Variants in COA1 observed in about 807,000 individuals in gnomAD.
The protein encoded by COA1 is cytochrome c oxidase assembly factor 1 homolog.
COA1 carries 13 observed loss-of-function variants against 16.0 expected under a neutral mutation model. That is an observed-to-expected ratio of 0.81 (90% CI 0.53 to 1.29). COA1 has a LOEUF of 1.29. Ranked by LOEUF, COA1 falls within the 50% of genes most tolerant of loss-of-function variation. The pLI is 0.00. For synonymous variants in COA1, 65 were observed against 65.7 expected (o/e 0.99, Z 0.05); for missense variants, 179 against 177.0 (o/e 1.01, Z -0.06).
In COA1 at chr7:43,640,695, A is replaced by G. The variant is rs950755729; in HGVS notation, c.265-46T>C. The G allele has an allele frequency of 5.9e-6, 8 of 1,354,424 alleles. No homozygotes were observed. The East Asian group carries it at 1.9e-4, about 32-fold the overall frequency. The allele number at this position is 1,354,424 out of a possible 1,614,324, so 83.9% of individuals were successfully genotyped here. A position where few individuals can be genotyped will look rare whatever the true frequency, so the allele number is the denominator to read the frequency against. ...AAAGGAGAGATGTAATTGGATAATT[A>G]TTGTCATTTCAGAAGATGACAAAAT... On this transcript the variant is annotated intron_variant, in intron 4 of 5. Transcript: ENST00000223336.
At chr7:43,651,060 C>T (rs900660835) in intron 1 of COA1, among the ~76,000 whole-genome samples, 1 of 152,016 alleles carries the variant, frequency 6.6e-6, no homozygotes, top group African/African-American at 2.4e-5. Context: ...TTAGGTAGCC[C>T]CCGACCTCAC....
chr7:43,691,437 G>GAAAGA (rs2094356318), intron 1 of COA1, among the ~76,000 whole-genome samples: 1 of 110,816 alleles, frequency 9.0e-6, no homozygotes, highest in Admixed American at 8.5e-5. Flanking sequence ...AAGAAAGAAA[G>GAAAGA]AAAGAAAGAA....
At chr7:43,652,955 A>G (rs2091096560) in intron 1 of COA1, among the ~76,000 whole-genome samples, 1 of 152,202 alleles carries the variant, frequency 6.6e-6, no homozygotes, top group Admixed American at 6.5e-5. Flanking sequence ...GTAAGGCAAT[A>G]TAAATTAAAA....
At chr7:43,693,774 G>T (rs2094446781) in intron 1 of COA1, among the ~76,000 whole-genome samples, 1 of 151,912 alleles carries the variant, frequency 6.6e-6, no homozygotes, top group South Asian at 2.1e-4. Flanking sequence ...CCCCAATCCT[G>T]GATAAATCCT....
chr7:43,708,052 A>G (rs1298349987), intron 1 of COA1, among the ~76,000 whole-genome samples: 1 of 152,196 alleles, frequency 6.6e-6, no homozygotes, highest in Non-Finnish European at 1.5e-5. Flanking sequence ...AAAAATACAA[A>G]AATTAGCCAG....
At chr7:43,641,222 A>G (rs2086971865) in intron 4 of COA1, among the ~76,000 whole-genome samples, 1 of 151,928 alleles carries the variant, frequency 6.6e-6, no homozygotes, top group African/African-American at 2.4e-5. Context: ...CTACATCTAG[A>G]TAACGGCTTG....
Position 43,729,496 on chromosome 7 carries a change from G to C in COA1, c.-106C>G, listed in dbSNP as rs2095698955. 6.6e-6 allele frequency: 1 copy of C among 152,320 alleles called. No individual in the cohort carries two copies. The highest frequency in any genetic ancestry group is 2.4e-5 in the African/African-American group (1 of 41,468). 9.4% of individuals were successfully genotyped at this position (152,320 alleles called of 1,614,324 possible). ...TTCTTCCAGGCTTGGGAAAGCACGG[G>C]TAAATGCCCGCGGTCCTGCGCGCCA... On this transcript the variant is annotated 5_prime_UTR_variant, in exon 1 of 6. Transcript: ENST00000223336.
At position 43,640,657 on chromosome 7, in the gene COA1, T is replaced by A. The variant is rs775504982; in HGVS notation, c.265-8A>T. ...AGAGACAGGAATCTTCAACTGTGGG[T>A]GTAAAATGACAGAAAGGAGAGATGT... On this transcript the variant is annotated splice_polypyrimidine_tract_variant and splice_region_variant and intron_variant, in intron 4 of 5. Coordinates refer to ENST00000223336, the MANE Select transcript of COA1 (RefSeq NM_018224.4). The A allele has an allele frequency of 7.0e-6, 11 of 1,580,872 alleles. No homozygotes were observed. The South Asian group carries it at 1.3e-4, about 18-fold the overall frequency.
chr7:43,658,778 CAT>C (rs767511923), intron 1 of COA1: 1 of 152,256 alleles, frequency 6.6e-6, no homozygotes, highest in African/African-American at 2.4e-5. Context: ...GCCAAGGTGA[CAT>C]GTGAGACTGG....
At chr7:43,646,760 T>A (rs2089428566) in intron 3 of COA1, 1 of 374,104 alleles carries the variant, frequency 2.7e-6, no homozygotes, top group East Asian at 7.4e-5. Context: ...CTCCACCAAC[T>A]CTGCAGGATG....
At chr7:43,705,668 G>A (rs1156675794) in intron 1 of COA1, among the ~76,000 whole-genome samples, 1 of 152,184 alleles carries the variant, frequency 6.6e-6, no homozygotes, top group Non-Finnish European at 1.5e-5. Flanking sequence ...CCACAGCCAT[G>A]CTCCACTGCA....
chr7:43,667,033 G>A (rs1479792604), intron 1 of COA1, among the ~76,000 whole-genome samples: 2 of 152,140 alleles, frequency 1.3e-5, no homozygotes, highest in East Asian at 1.9e-4. Flanking sequence ...ATGATTAGAA[G>A]CAATGATCTA....
intron 1 of COA1, among the ~76,000 whole-genome samples, chr7:43,691,279 A>G (rs1218534335): frequency 2.6e-5 from 1 of 38,482 alleles, no homozygotes; most frequent in Non-Finnish European, 5.3e-5. Flanking sequence ...GAAAGAAAGA[A>G]AGAAAGAAAG....
At chr7:43,712,214 G>C (rs2095273233) in intron 1 of COA1, among the ~76,000 whole-genome samples, 2 of 152,078 alleles carry the variant, frequency 1.3e-5, no homozygotes, top group African/African-American at 4.8e-5. Context: ...CCGGGTTCAA[G>C]TGATTCTCCT....
intron 1 of COA1, among the ~76,000 whole-genome samples, chr7:43,710,594 G>C (rs2095212832): frequency 6.6e-6 from 1 of 151,762 alleles, no homozygotes; most frequent in African/African-American, 2.4e-5. Context: ...TTTACAGAAG[G>C]AAAATAATAT....
chr7:43,627,635 A>G (rs1176021087), intron 6 of COA1, among the ~76,000 whole-genome samples: 1 of 152,266 alleles, frequency 6.6e-6, no homozygotes, highest in East Asian at 1.9e-4. Flanking sequence ...TTTATTGTCC[A>G]AGATTGGCCA....
intron 1 of COA1, among the ~76,000 whole-genome samples, chr7:43,728,113 T>G (rs1428808681): frequency 6.6e-6 from 1 of 152,120 alleles, no homozygotes; most frequent in Non-Finnish European, 1.5e-5. Context: ...TAGCTGGGAC[T>G]ACAGGCTCCC....
At chr7:43,659,348 A>C (rs1382124079) in intron 1 of COA1, among the ~76,000 whole-genome samples, 2 of 152,242 alleles carry the variant, frequency 1.3e-5, no homozygotes, top group African/African-American at 4.8e-5. Context: ...AATGATAAAG[A>C]GTCTTGATGG....
chr7:43,698,522 T>C (rs981669849), intron 1 of COA1, among the ~76,000 whole-genome samples: 1 of 152,196 alleles, frequency 6.6e-6, no homozygotes, highest in East Asian at 1.9e-4. Flanking sequence ...CTAATATTTA[T>C]ATAATACCTT....
Sources: gnomAD v4.1 joint callset for allele counts (sites outside exome capture counted in the v4.1 genomes callset) on GRCh38, gnomAD v4.1.1 for gene constraint, MANE v1.5 for transcripts, NCBI Gene and HGNC (gene_info 2026-07-23, HGNC 2026-07-21) for gene names.